The following VPS29 variants were observed in gnomAD, a reference collection of about 807,000 sequenced individuals.
The protein encoded by VPS29 is VPS29 retromer complex component.
In VPS29, 2 loss-of-function variants were observed where a neutral mutation model predicts 20.0. The observed-to-expected ratio is 0.10, with a 90% CI of 0.04 to 0.31. The LOEUF is 0.31. Among genes scored for constraint, VPS29 ranks in the 10% least tolerant of loss-of-function variants. The pLI is 1.00. For missense variants in VPS29, 120 were observed against 215.3 expected, an observed-to-expected ratio of 0.56 and a Z score of 2.77; for synonymous variants, 81 against 79.3, an observed-to-expected ratio of 1.02 and a Z score of -0.12.
intron 1 of VPS29, chr12:110,499,365 C>T: frequency 1.0e-6 from 1 of 953,690 alleles, no homozygotes. Flanking sequence ...TTTAAGAAAG[C>T]AAAAGATCCT....
rs769946721 is a variant in VPS29, at chr12:110,491,361, G to C, written c.*644C>G. ...CCAAAGTGTTGGGATTAGGGTGTGA[G>C]CCACTGTGCCCGGCCCCTAAACTTG... On this transcript the variant is annotated 3_prime_UTR_variant, in exon 4 of 4. Coordinates refer to ENST00000549578, the MANE Select transcript of VPS29 (RefSeq NM_016226.5). The C allele has an allele frequency of 6.6e-6, 1 of 152,302 alleles. No individual in the cohort carries two copies. Among genetic ancestry groups the C allele is most frequent in the Non-Finnish European group, 1.5e-5 (1 of 68,136 alleles). The allele number at this position is 152,302 out of a possible 1,614,324, so 9.4% of individuals were successfully genotyped here.
At chr12:110,501,278 G>T (rs1375238093) in intron 1 of VPS29, 1 of 1,108,910 alleles carries the variant, frequency 9.0e-7, no homozygotes, top group Non-Finnish European at 1.3e-6. Flanking sequence ...ACTACTGGGG[G>T]TGAAGGGGTG....
intron 1 of VPS29, chr12:110,499,257 G>C: frequency 9.0e-6 from 3 of 334,272 alleles, no homozygotes; most frequent in Non-Finnish European, 1.7e-5. Context: ...CAAAGTTATG[G>C]GGAAATAGTG....
chr12:110,494,397 C>T (rs751426529), intron 2 of VPS29, among the ~76,000 whole-genome samples: 17 of 151,150 alleles, frequency 1.1e-4, no homozygotes, highest in Admixed American at 3.3e-4. Context: ...GGACTACAGG[C>T]GCCCACCACC....
chr12:110,492,923 T>C, intron 3 of VPS29, 73 bp downstream of exon 3: 4 of 1,365,726 alleles, frequency 2.9e-6, no homozygotes, highest in Non-Finnish European at 4.0e-6. Flanking sequence ...CCCAGCCACA[T>C]TTCTTTTACG....
intron 1 of VPS29, chr12:110,498,689 C>T: frequency 4.4e-6 from 1 of 227,576 alleles, no homozygotes; most frequent in Non-Finnish European, 7.3e-6. Flanking sequence ...TTTATAAAGA[C>T]TAGTTTCAGC....
intron 2 of VPS29, among the ~76,000 whole-genome samples, chr12:110,494,180 A>G (rs2062861785): frequency 6.6e-6 from 1 of 151,974 alleles, no homozygotes. Context: ...GGTTTAAGGA[A>G]CCCCATTAAA....
Position 110,491,698 on chromosome 12 carries a change from G to T in VPS29, c.*307C>A, listed in dbSNP as rs940103655. On this transcript the variant is annotated 3_prime_UTR_variant, in exon 4 of 4. Transcript: ENST00000549578. ...GAAAGTCTAGATTCTTTCTCCACAT[G>T]CACTACTTTTGGAATAAAGTTCCAA... is the stretch of plus-strand genomic sequence containing the variant. 1.3e-5 allele frequency: 3 copies of T among 226,908 alleles called. No homozygotes were observed. The highest frequency in any genetic ancestry group is 2.6e-5 in the Non-Finnish European group (3 of 116,486). 14.1% of individuals were successfully genotyped at this position (226,908 alleles called of 1,614,324 possible).
intron 1 of VPS29, among the ~76,000 whole-genome samples, chr12:110,497,207 CTTTTTTTTTTTTTTTTTTT>C (rs71083128): frequency 1.3e-5 from 1 of 77,214 alleles, no homozygotes; most frequent in Non-Finnish European, 2.2e-5. Flanking sequence ...AAATTTCTTT[CTTTTTTTTTTTTTTTTTTT>C]TTTTTTTTGA....
At chr12:110,498,978 A>C in intron 1 of VPS29, 1 of 318,862 alleles carries the variant, frequency 3.1e-6, no homozygotes, top group Non-Finnish European at 4.5e-6. Flanking sequence ...ACCACCCCAA[A>C]CTCATAAAAG....
intron 1 of VPS29, chr12:110,501,512 C>T (rs1244436584): frequency 1.3e-6 from 2 of 1,535,352 alleles, no homozygotes; most frequent in East Asian, 2.4e-5. Context: ...ATCTCAATGG[C>T]AGCTAGATGT....
At chr12:110,500,806 A>C (rs956959141) in intron 1 of VPS29, among the ~76,000 whole-genome samples, 1 of 151,956 alleles carries the variant, frequency 6.6e-6, no homozygotes, top group Admixed American at 6.6e-5. Context: ...GCGAAAGAAC[A>C]AAGCTTACAC....
In VPS29 at chr12:110,497,207, CTTTTTTTTTTTT is replaced by C. The variant is rs71083128; in HGVS notation, c.4-1016_4-1005del. 2.5e-4 allele frequency among the ~76,000 whole-genome samples: 19 copies of C among 77,208 alleles called. No homozygotes were observed. The South Asian group carries it at 9.3e-3, about 38-fold the overall frequency. 50.7% of individuals were successfully genotyped at this position (77,208 alleles called of 152,430 possible). On this transcript the variant is annotated intron_variant, in intron 1 of 3. Transcript: ENST00000549578. ...AAAATTTTAATTTAAAAATTTCTTT[CTTTTTTTTTTTT>C]TTTTTTTTTTTTTTTGAGACGGAGT... is the stretch of plus-strand genomic sequence containing the variant.
intron 1 of VPS29, among the ~76,000 whole-genome samples, chr12:110,498,635 G>T (rs1426067946): frequency 6.6e-6 from 1 of 152,156 alleles, no homozygotes; most frequent in African/African-American, 2.4e-5. Flanking sequence ...GTAACACAAG[G>T]TTATGAAATT....
chr12:110,501,139 T>C lies in VPS29; in HGVS notation c.3+910A>G, dbSNP rs2063024294. ...ATTGCAGTGAGCCGAGATCGCGGCA[T>C]TGCACTCCAGCCTGGGCGACAGAGC... On this transcript the variant is annotated intron_variant, in intron 1 of 3. Transcript: ENST00000549578. 2.0e-5 allele frequency among the ~76,000 whole-genome samples: 3 copies of C among 151,956 alleles called. 1 individual carries two copies. The South Asian group carries it at 6.2e-4, about 32-fold the overall frequency.
intron 1 of VPS29, chr12:110,496,926 CATT>C (rs1297045949): frequency 3.3e-5 from 5 of 152,098 alleles, no homozygotes; most frequent in Admixed American, 3.3e-4. Flanking sequence ...CACTTTCCTT[CATT>C]ATTAGAAGTC....
intron 1 of VPS29, chr12:110,501,554 C>T: frequency 1.3e-6 from 2 of 1,535,410 alleles, no homozygotes; most frequent in South Asian, 1.2e-5. Context: ...GGTTTATTCC[C>T]TTTCCCTAGA....
intron 2 of VPS29, among the ~76,000 whole-genome samples, chr12:110,495,373 T>G (rs1307532502): frequency 6.6e-6 from 1 of 152,176 alleles, no homozygotes; most frequent in Non-Finnish European, 1.5e-5. Flanking sequence ...TGGCTTGGAA[T>G]AAAGTTAGTA....
chr12:110,501,308 G>A, intron 1 of VPS29: 5 of 1,389,194 alleles, frequency 3.6e-6, no homozygotes, highest in African/African-American at 1.4e-5. Context: ...AGGTGGCTGG[G>A]GGAGACTAGG....
Sources: gnomAD v4.1 joint callset for allele counts (sites outside exome capture counted in the v4.1 genomes callset) on GRCh38, gnomAD v4.1.1 for gene constraint, MANE v1.5 for transcripts, NCBI Gene and HGNC (gene_info 2026-07-23, HGNC 2026-07-21) for gene names.